RNF125: variants seen among roughly 807,000 people sequenced by gnomAD.
The protein encoded by RNF125 is ring finger protein 125, also known as E3 ubiquitin-protein ligase RNF125.
A neutral mutation model predicts 26.0 loss-of-function variants in RNF125; 21 were observed. That is an observed-to-expected ratio of 0.81 (90% CI 0.57 to 1.16). The LOEUF (loss-of-function observed/expected upper bound fraction) is 1.16. Ranked by LOEUF, RNF125 falls within the 50% of genes most tolerant of loss-of-function variation. The pLI, the probability that RNF125 is intolerant of heterozygous loss-of-function variation, is 0.00. For missense variants in RNF125, 270 were observed against 299.4 expected (o/e 0.90, Z 0.72); for synonymous variants, 95 against 109.2 (o/e 0.87, Z 0.81).
chr18:32,032,379 T>TG (rs2039105967), intron 1 of RNF125, among the ~76,000 whole-genome samples: 1 of 145,086 alleles, frequency 6.9e-6, no homozygotes, highest in African/African-American at 2.8e-5. Flanking sequence ...TGCCTGGCTG[T>TG]ATTTTTTTTT....
In RNF125 at chr18:32,071,263, T is replaced by C. The variant is rs1365625599; in HGVS notation, c.*2879T>C. On this transcript the variant is annotated 3_prime_UTR_variant, in exon 6 of 6. Coordinates refer to ENST00000217740, the MANE Select transcript of RNF125 (RefSeq NM_017831.4). ...GATTCTCCTGCCTCAGCCTCTCGAG[T>C]AGCTGGGATTACAAGTGGGCACCAC... 1 of 152,224 alleles carries C rather than the reference T, an allele frequency of 6.6e-6. No homozygotes were observed. Among genetic ancestry groups the C allele is most frequent in the Non-Finnish European group, 1.5e-5 (1 of 68,168 alleles). The allele number at this position is 152,224 out of a possible 1,614,324, so 9.4% of individuals were successfully genotyped here. A position where few individuals can be genotyped will look rare whatever the true frequency, so the allele number is the denominator to read the frequency against.
Position 32,062,901 on chromosome 18 carries a change from T to C in RNF125, c.505-3001T>C, listed in dbSNP as rs993573038. Among the ~76,000 whole-genome samples the C allele has an allele frequency of 6.6e-5, 10 of 152,154 alleles. 1 individual carries two copies. The highest frequency in any genetic ancestry group is 1.3e-4 in the Admixed American group (2 of 15,248). The stretch of plus-strand genomic sequence containing the variant: ...ACAACACATACTTGGCACTCAGTAA[T>C]AAGTCTGCATCTCATACTTTAAAAA... On this transcript the variant is annotated intron_variant, in intron 4 of 5. Transcript: ENST00000217740.
chr18:32,035,913 G>A (rs1598812530), intron 1 of RNF125, among the ~76,000 whole-genome samples: 2 of 152,206 alleles, frequency 1.3e-5, no homozygotes, highest in African/African-American at 4.8e-5. Context: ...AGCACTTTGG[G>A]AGGCTGAGGC....
chr18:32,076,037 C>T (rs538460706), downstream of RNF125: 74 of 792,864 alleles, frequency 9.3e-5, 1 homozygote, highest in South Asian at 9.3e-4. Context: ...TTGAGTTGCA[C>T]GTCAAATCTG....
At chr18:32,019,075 T>C (rs760724722) in intron 1 of RNF125, 48 bp downstream of exon 1, 14 of 1,592,572 alleles carry the variant, frequency 8.8e-6, no homozygotes, top group African/African-American at 1.4e-5. Context: ...AGGAGGGCGA[T>C]GTGGGGAAGC....
At chr18:32,048,808 A>G (rs756510128) in intron 4 of RNF125, among the ~76,000 whole-genome samples, 25 of 152,190 alleles carry the variant, frequency 1.6e-4, no homozygotes, top group Non-Finnish European at 2.9e-4. Flanking sequence ...GTTGCTCTGT[A>G]GGAGGAACTG....
chr18:32,027,703 T>A (rs2039050528), intron 1 of RNF125, among the ~76,000 whole-genome samples: 1 of 152,122 alleles, frequency 6.6e-6, no homozygotes. Flanking sequence ...TACATCCTGA[T>A]CACAACACCA....
rs200871836 is a variant in RNF125, at chr18:32,042,173, A to G, written c.319-6A>G. 6.2e-7 allele frequency: 1 copy of G among 1,605,816 alleles called. No homozygotes were observed. The highest frequency in any genetic ancestry group is 2.2e-5 in the East Asian group (1 of 44,780). On this transcript the variant is annotated splice_polypyrimidine_tract_variant and splice_region_variant and intron_variant, in intron 2 of 5. Transcript: ENST00000217740. ...GTGAGTTTATTTTGAATTTGTTTTT[A>G]TGTAGGTTTGCCTCAGTGAAATGAG...
At chr18:32,064,408 T>C (rs1350719279) in intron 4 of RNF125, among the ~76,000 whole-genome samples, 2 of 138,452 alleles carry the variant, frequency 1.4e-5, no homozygotes, top group South Asian at 2.4e-4. Flanking sequence ...TTTTTTTTTT[T>C]TTTTTTTTTT....
intron 3 of RNF125, 152 bp from the exon 4 acceptor site, chr18:32,045,490 T>TG (rs1275082349): frequency 2.7e-6 from 1 of 373,328 alleles, no homozygotes; most frequent in African/African-American, 2.3e-5. Context: ...ACCCGGGAGG[T>TG]GGGGAGGTTG....
chr18:32,024,044 C>G (rs779474595), intron 1 of RNF125, among the ~76,000 whole-genome samples: 1 of 152,112 alleles, frequency 6.6e-6, no homozygotes, highest in Non-Finnish European at 1.5e-5. Context: ...TAACCTCTTA[C>G]GATTTTTCTT....
chr18:32,063,762 A>C (rs2039456503), intron 4 of RNF125, among the ~76,000 whole-genome samples: 1 of 152,198 alleles, frequency 6.6e-6, no homozygotes, highest in Admixed American at 6.5e-5. Flanking sequence ...CTATGGATAC[A>C]CCCAGCAACT....
intron 4 of RNF125, among the ~76,000 whole-genome samples, chr18:32,061,740 T>G (rs2039436791): frequency 6.6e-6 from 1 of 152,230 alleles, no homozygotes; most frequent in African/African-American, 2.4e-5. Flanking sequence ...CCTTTACAGA[T>G]CTTGAACAGT....
At chr18:32,054,139 G>T (rs950694346) in intron 4 of RNF125, among the ~76,000 whole-genome samples, 2 of 146,116 alleles carry the variant, frequency 1.4e-5, no homozygotes, top group Non-Finnish European at 3.0e-5. Flanking sequence ...TGTCACCCAG[G>T]CTGGAGCGCA....
rs2039262986 is a variant in RNF125, at chr18:32,045,680, A to G, written c.452A>G (p.Asp151Gly). 2 of 1,612,572 alleles carry G rather than the reference A, an allele frequency of 1.2e-6. No homozygotes were observed. Among genetic ancestry groups the G allele is most frequent in the African/African-American group, 1.3e-5 (1 of 74,516 alleles). Residue 151 changes from aspartate (D) to glycine (G), a missense_variant, in exon 4 of 6, where the codon GAC becomes GGC. Physicochemically the swap from Asp to Gly is moderately conservative, Grantham distance 94. Transcript: ENST00000217740. ...CPFCQRELYE[D>G]SLLDHCITHH... ...TTTTGTCAGAGGGAACTGTATGAAGACAGCTTGCTGGATCATTGTATTACT... is the reference window on the plus strand; with the variant it reads ...TTTTGTCAGAGGGAACTGTATGAAGGCAGCTTGCTGGATCATTGTATTACT...
intron 1 of RNF125, among the ~76,000 whole-genome samples, chr18:32,021,640 A>G (rs61403373): frequency 0.1 from 15,633 of 152,178 alleles, 958 homozygotes; most frequent in African/African-American, 0.17. Context: ...GTTGTGCAAA[A>G]CATAAACAGT....
At chr18:32,020,002 C>CTGTGTGTGTGTG (rs149126113) in intron 1 of RNF125, among the ~76,000 whole-genome samples, 172 of 150,000 alleles carry the variant, frequency 1.1e-3, no homozygotes, top group African/African-American at 4.0e-3. Context: ...TCTCTGTTTA[C>CTGTGTGTGTGTG]TGTGTGTGTG....
At chr18:32,030,171 G>A (rs528829912) in intron 1 of RNF125, among the ~76,000 whole-genome samples, 6 of 152,268 alleles carry the variant, frequency 3.9e-5, no homozygotes, top group South Asian at 4.1e-4. Context: ...AGCCTCCTGA[G>A]TAGCTGGGAC....
chr18:32,052,732 T>G (rs960948267), intron 4 of RNF125, among the ~76,000 whole-genome samples: 9 of 152,242 alleles, frequency 5.9e-5, no homozygotes, highest in African/African-American at 2.2e-4. Flanking sequence ...TCATAGATAT[T>G]CTGAAGGATC....
Sources: allele counts gnomAD v4.1 joint callset (sites outside exome capture counted in the v4.1 genomes callset), GRCh38; gene constraint gnomAD v4.1.1; transcripts MANE v1.5; gene names NCBI Gene and HGNC (gene_info 2026-07-23, HGNC 2026-07-21).